PHEX: variants seen among roughly 807,000 people sequenced by gnomAD.
PHEX encodes the protein phosphate regulating endopeptidase X-linked.
PHEX carries 16 observed loss-of-function variants against 68.0 expected under a neutral mutation model. That is an observed-to-expected ratio of 0.24 (90% CI 0.16 to 0.36). The LOEUF is 0.36. Ranked by LOEUF, PHEX falls within the 10% of genes least tolerant of loss-of-function variation. The pLI is 1.00. For synonymous variants in PHEX, 208 were observed against 205.1 expected (o/e 1.01, Z -0.12); for missense variants, 480 against 575.5 (o/e 0.83, Z 1.70).
At chrX:22,124,529 C>A (rs1166908235) in intron 11 of PHEX, among the ~76,000 whole-genome samples, 1 of 112,067 alleles carries the variant, frequency 8.9e-6, no homozygotes, top group Non-Finnish European at 1.9e-5. Context: ...TGCCTTCCAA[C>A]AGATCTGAAT....
At chrX:22,181,457 A>G (rs927378177) in intron 14 of PHEX, among the ~76,000 whole-genome samples, 1 of 111,879 alleles carries the variant, frequency 8.9e-6, no homozygotes, top group African/African-American at 3.2e-5. Context: ...TTTTATGCCA[A>G]TATCATGCCA....
intron 12 of PHEX, among the ~76,000 whole-genome samples, chrX:22,159,144 G>C (rs1933035421): frequency 8.8e-6 from 1 of 113,482 alleles, no homozygotes; most frequent in Admixed American, 9.2e-5. Context: ...AGATGATGCT[G>C]TTGAGCATGG....
At chrX:22,067,841 T>A (rs1219652607) in intron 3 of PHEX, among the ~76,000 whole-genome samples, 4 of 109,077 alleles carry the variant, frequency 3.7e-5, no homozygotes, top group Non-Finnish European at 5.7e-5. Flanking sequence ...TTTTTTTTTT[T>A]AAATTTTTGA....
intron 18 of PHEX, among the ~76,000 whole-genome samples, chrX:22,223,371 C>T (rs2285076): frequency 0.33 from 35,726 of 109,555 alleles, 4,673 homozygotes; most frequent in African/African-American, 0.45. Flanking sequence ...CCTAGGGCCA[C>T]GTGGTCTACT....
intron 9 of PHEX, among the ~76,000 whole-genome samples, chrX:22,110,846 C>G (rs753379155): frequency 1.6e-4 from 18 of 112,358 alleles, no homozygotes; most frequent in Non-Finnish European, 2.8e-4. Flanking sequence ...ATCTAGGCAG[C>G]TCAGGGCACC....
intron 13 of PHEX, chrX:22,172,199 T>C (rs1170755486): frequency 8.9e-6 from 1 of 111,907 alleles, no homozygotes; most frequent in Non-Finnish European, 1.9e-5. Flanking sequence ...CCTGTTAGCC[T>C]AAAAAGGTAG....
intron 9 of PHEX, among the ~76,000 whole-genome samples, chrX:22,104,513 G>A (rs1288341655): frequency 9.0e-6 from 1 of 111,707 alleles, no homozygotes; most frequent in Admixed American, 9.5e-5. Context: ...CTAACTACAT[G>A]TTCGGTGATC....
intron 12 of PHEX, among the ~76,000 whole-genome samples, chrX:22,154,934 C>T (rs748316547): frequency 1.2e-4 from 13 of 112,055 alleles, no homozygotes; most frequent in African/African-American, 3.6e-4. Flanking sequence ...TTGATTGAGA[C>T]GGGGTCTCGC....
chrX:22,094,517 A>C (rs1303342853), intron 7 of PHEX, among the ~76,000 whole-genome samples: 1 of 112,515 alleles, frequency 8.9e-6, no homozygotes, highest in African/African-American at 3.2e-5. Context: ...GTTTTATGCT[A>C]TCCCCACTCA....
chrX:22,200,823 G>A (rs1041443617), intron 15 of PHEX, among the ~76,000 whole-genome samples: 3 of 110,422 alleles, frequency 2.7e-5, no homozygotes, highest in Non-Finnish European at 3.8e-5. Flanking sequence ...AGGTGAGAGT[G>A]AGAAGTTTAG....
chrX:22,082,193 T>A (rs1929421743), intron 5 of PHEX, among the ~76,000 whole-genome samples: 1 of 112,425 alleles, frequency 8.9e-6, no homozygotes, highest in African/African-American at 3.2e-5. Flanking sequence ...TACATTCATA[T>A]AATCAAATCA....
At chrX:22,232,165 C>T (rs1424945413) in intron 20 of PHEX, among the ~76,000 whole-genome samples, 2 of 111,350 alleles carry the variant, frequency 1.8e-5, no homozygotes, top group African/African-American at 6.5e-5. Flanking sequence ...CTTTCTTTTG[C>T]ATTTGCTGAG....
Position 22,249,084 on chromosome X carries a change from C to T in PHEX, c.*1131C>T, listed in dbSNP as rs1936477201. 1 of 109,868 alleles carries T rather than the reference C, an allele frequency of 9.1e-6. No individual in the cohort carries two copies. 9.1% of individuals were successfully genotyped at this position (109,868 alleles called of 1,213,427 possible). A position where few individuals can be genotyped will look rare whatever the true frequency, so the allele number is the denominator to read the frequency against. ...TATTGATTCAATTTAAAATTCCCTG[C>T]ATAGTCCAAATAAACATAATTTTTA... is the stretch of plus-strand genomic sequence containing the variant. On this transcript the variant is annotated 3_prime_UTR_variant, in exon 22 of 22. Transcript: ENST00000379374.
intron 5 of PHEX, among the ~76,000 whole-genome samples, chrX:22,089,991 A>C (rs1929808440): frequency 1.8e-5 from 2 of 112,290 alleles, no homozygotes; most frequent in African/African-American, 3.2e-5. Context: ...TTTGCAAAAC[A>C]CTGCAATGAG....
At chrX:22,113,077 C>T (rs1339157356) in intron 10 of PHEX, among the ~76,000 whole-genome samples, 2 of 101,683 alleles carry the variant, frequency 2.0e-5, no homozygotes, top group Non-Finnish European at 4.0e-5. Context: ...TTAACTGCTA[C>T]GAATCACATA....
At chrX:22,239,812 ACT>A (rs1936120570) in intron 20 of PHEX, among the ~76,000 whole-genome samples, 1 of 111,689 alleles carries the variant, frequency 9.0e-6, no homozygotes, top group Non-Finnish European at 1.9e-5. Flanking sequence ...GTTGGAAAAC[ACT>A]CTTCAGGATA....
intron 20 of PHEX, among the ~76,000 whole-genome samples, chrX:22,230,726 G>T (rs1935702128): frequency 9.0e-6 from 1 of 111,715 alleles, no homozygotes; most frequent in Non-Finnish European, 1.9e-5. Context: ...TCTGCAAACA[G>T]AGACAGTTTG....
intron 1 of PHEX, among the ~76,000 whole-genome samples, chrX:22,034,359 G>A (rs755667078): frequency 2.7e-5 from 3 of 112,027 alleles, no homozygotes; most frequent in African/African-American, 9.7e-5. Flanking sequence ...GTAAAAATAT[G>A]TACTCTTTTT....
At position 22,114,531 on chromosome X, in the gene PHEX, ATGT is replaced by A; in HGVS notation, c.1253_1255del (p.Val418del). The A allele has an allele frequency of 8.3e-7, 1 of 1,197,617 alleles. No individual in the cohort carries two copies. The highest frequency in any genetic ancestry group is 1.1e-6 in the Non-Finnish European group (1 of 882,866). ...AACTTTATTGAAAGTGCCCTCCCTT[ATGT>A]TGTTGGAAAGATGTTTGTAGATGTG... On this transcript the variant is annotated inframe_deletion, in exon 11 of 22. Transcript: ENST00000379374.
Sources: allele counts gnomAD v4.1 joint callset (sites outside exome capture counted in the v4.1 genomes callset), GRCh38; gene constraint gnomAD v4.1.1; transcripts MANE v1.5; gene names NCBI Gene and HGNC (gene_info 2026-07-23, HGNC 2026-07-21).